Variants in ASCC3 observed in about 807,000 individuals in gnomAD.
ASCC3 encodes the protein ASC-1 complex subunit P200.
A neutral mutation model predicts 256.3 loss-of-function variants in ASCC3; 158 were observed. The observed-to-expected ratio is 0.62, with a 90% confidence interval of 0.54 to 0.70. The LOEUF is 0.70. Ranked by LOEUF, ASCC3 falls within the 30% of genes least tolerant of loss-of-function variation. The pLI, the probability that ASCC3 is intolerant of heterozygous loss-of-function variation, is 0.00. For missense variants in ASCC3, 2,259 were observed against 2,626.0 expected, an observed-to-expected ratio of 0.86 and a Z score of 3.05; for synonymous variants, 948 against 883.4, an observed-to-expected ratio of 1.07 and a Z score of -1.30.
intron 34 of ASCC3, among the ~76,000 whole-genome samples, chr6:100,592,610 T>C (rs1019654716): frequency 1.3e-5 from 2 of 152,054 alleles, no homozygotes; most frequent in African/African-American, 2.4e-5. Context: ...AGGAATAGAG[T>C]ACAGATTTAT....
intron 3 of ASCC3, among the ~76,000 whole-genome samples, chr6:100,855,350 C>G (rs953738230): frequency 6.6e-6 from 1 of 152,196 alleles, no homozygotes; most frequent in Non-Finnish European, 1.5e-5. Context: ...CTCCTGAGCT[C>G]AAGCAATCCA....
chr6:100,793,586 A>T (rs1377566464), intron 8 of ASCC3, among the ~76,000 whole-genome samples: 1 of 152,022 alleles, frequency 6.6e-6, no homozygotes, highest in Non-Finnish European at 1.5e-5. Flanking sequence ...CATAGCAAAG[A>T]TGATTTCATA....
intron 37 of ASCC3, 44 bp downstream of exon 37, chr6:100,540,119 T>A (rs1238800322): frequency 6.5e-7 from 1 of 1,530,602 alleles, no homozygotes; most frequent in East Asian, 2.2e-5. Context: ...AGGGCAGGAA[T>A]GATGGGAGAA....
At chr6:100,826,617 T>C (rs1448907186) in intron 4 of ASCC3, among the ~76,000 whole-genome samples, 1 of 152,198 alleles carries the variant, frequency 6.6e-6, no homozygotes, top group African/African-American at 2.4e-5. Flanking sequence ...TTATGCAGAT[T>C]ACTAATTGAA....
chr6:100,752,605 AT>A (rs1208882788), intron 10 of ASCC3, among the ~76,000 whole-genome samples: 2 of 152,126 alleles, frequency 1.3e-5, no homozygotes, highest in Non-Finnish European at 2.9e-5. Flanking sequence ...TAGGAAAGTT[AT>A]TTTGGTATAT....
chr6:100,765,539 C>T (rs559933582), intron 10 of ASCC3, among the ~76,000 whole-genome samples: 1 of 152,280 alleles, frequency 6.6e-6, no homozygotes, highest in East Asian at 1.9e-4. Flanking sequence ...CTACCTGTGT[C>T]CTGGAAGCCC....
rs144500121 is a variant in ASCC3 at position 100,876,117 on chromosome 6, G to A, written c.-42+4944C>T. ...AATGCAGGCGAGAATGACAACAAAAGCATAGGTCTAGAGAGACTTGGATAG... is the reference window on the plus strand; with the variant it reads ...AATGCAGGCGAGAATGACAACAAAAACATAGGTCTAGAGAGACTTGGATAG... On this transcript the variant is annotated intron_variant, in intron 1 of 41. Transcript: ENST00000369162. Among the ~76,000 whole-genome samples, 83 of 152,234 alleles carry A rather than the reference G, an allele frequency of 5.5e-4. 1 individual carries two copies. The East Asian group carries it at 7.3e-3, about 13-fold the overall frequency.
At position 100,629,197 on chromosome 6, in the gene ASCC3, AC is replaced by A. The variant is rs776260313; in HGVS notation, c.4209-17del. 3.7e-6 allele frequency: 6 copies of A among 1,611,170 alleles called. No individual in the cohort carries two copies. The highest frequency in any genetic ancestry group is 4.2e-6 in the Non-Finnish European group (5 of 1,178,034). ...TTCAATAACTCTGGAGGGAAATATA[AC>A]AATGATCCCAGAAACTTTTCAGGTA... On this transcript the variant is annotated splice_polypyrimidine_tract_variant and intron_variant, in intron 26 of 41. Coordinates refer to ENST00000369162, the MANE Select transcript of ASCC3 (RefSeq NM_006828.4).
chr6:100,552,438 T>C (rs1769345760), intron 36 of ASCC3, among the ~76,000 whole-genome samples: 1 of 152,018 alleles, frequency 6.6e-6, no homozygotes, highest in Non-Finnish European at 1.5e-5. Flanking sequence ...ATTGCATCAT[T>C]GAAAATATTG....
At chr6:100,735,768 C>T (rs1780124990) in intron 10 of ASCC3, among the ~76,000 whole-genome samples, 1 of 152,068 alleles carries the variant, frequency 6.6e-6, no homozygotes, top group African/African-American at 2.4e-5. Context: ...TAGTATTATG[C>T]ACTTTATATA....
chr6:100,718,694 T>C (rs578135745), intron 11 of ASCC3, among the ~76,000 whole-genome samples: 16 of 152,178 alleles, frequency 1.1e-4, no homozygotes, highest in Admixed American at 2.6e-4. Context: ...CATATGATCA[T>C]GTCACTGAGC....
chr6:100,589,573 AG>A, intron 36 of ASCC3, 60 bp downstream of exon 36: 1 of 1,598,932 alleles, frequency 6.3e-7, no homozygotes, highest in Non-Finnish European at 8.5e-7. Context: ...AAGACAAACT[AG>A]GTGGCAAAAC....
chr6:100,724,650 G>C (rs111931489), intron 11 of ASCC3, among the ~76,000 whole-genome samples: 1,532 of 151,944 alleles, frequency 0.01, 25 homozygotes, highest in African/African-American at 0.035. Flanking sequence ...GTGGTGGGAA[G>C]GGCTGGGCAT....
At chr6:100,875,599 T>C (rs1265716021) in intron 1 of ASCC3, among the ~76,000 whole-genome samples, 2 of 152,148 alleles carry the variant, frequency 1.3e-5, no homozygotes, top group African/African-American at 2.4e-5. Flanking sequence ...TGAATGCCCA[T>C]TCATGCACTC....
chr6:100,666,144 T>C (rs747554575), intron 14 of ASCC3, among the ~76,000 whole-genome samples: 16 of 152,166 alleles, frequency 1.1e-4, no homozygotes, highest in Non-Finnish European at 2.2e-4. Flanking sequence ...CATATATCAA[T>C]ATCTCATTCC....
intron 30 of ASCC3, among the ~76,000 whole-genome samples, chr6:100,612,827 G>C (rs991606084): frequency 6.6e-6 from 1 of 151,886 alleles, no homozygotes; most frequent in Non-Finnish European, 1.5e-5. Flanking sequence ...ATACTTCGTT[G>C]CTCTTTCTGA....
chr6:100,553,355 T>C (rs572604756), intron 36 of ASCC3, among the ~76,000 whole-genome samples: 39 of 152,212 alleles, frequency 2.6e-4, no homozygotes, highest in African/African-American at 6.7e-4. Flanking sequence ...TCCTGTGTGA[T>C]CACTGACTAT....
At chr6:100,615,937 T>C (rs888502990) in intron 30 of ASCC3, among the ~76,000 whole-genome samples, 2 of 152,164 alleles carry the variant, frequency 1.3e-5, no homozygotes, top group African/African-American at 4.8e-5. Context: ...GCACTTGGGG[T>C]GGGAATTTTG....
At chr6:100,823,662 T>C (rs894914942) in intron 4 of ASCC3, among the ~76,000 whole-genome samples, 3 of 152,162 alleles carry the variant, frequency 2.0e-5, no homozygotes, top group African/African-American at 7.2e-5. Context: ...TAAGTAGTTT[T>C]TCATAAAATT....
Sources: gnomAD v4.1 joint callset for allele counts (sites outside exome capture counted in the v4.1 genomes callset) on GRCh38, gnomAD v4.1.1 for gene constraint, MANE v1.5 for transcripts, NCBI Gene and HGNC (gene_info 2026-07-23, HGNC 2026-07-21) for gene names.